The following TPCN1 variants were observed in gnomAD, a reference collection of about 807,000 sequenced individuals.
TPCN1 encodes two pore channel protein 1.
A neutral mutation model predicts 108.8 loss-of-function variants in TPCN1; 52 were observed. The observed-to-expected ratio is 0.48, with a 90% CI of 0.38 to 0.60. TPCN1 has a LOEUF of 0.60. Among genes scored for constraint, TPCN1 ranks in the 20% least tolerant of loss-of-function variants. TPCN1 has a pLI of 0.00. For synonymous variants in TPCN1, 446 were observed against 433.7 expected (o/e 1.03, Z -0.35); for missense variants, 806 against 1,072.8 (o/e 0.75, Z 3.47).
At chr12:113,240,118 G>A (rs1954052185) in intron 2 of TPCN1, among the ~76,000 whole-genome samples, 1 of 152,178 alleles carries the variant, frequency 6.6e-6, no homozygotes, top group Non-Finnish European at 1.5e-5. Flanking sequence ...ACAGCCTCGA[G>A]CCAGTCTGGT....
At position 113,276,857 on chromosome 12, in the gene TPCN1, C is replaced by T; in HGVS notation, c.943-62C>T. On this transcript the variant is annotated intron_variant, in intron 10 of 27. Coordinates refer to ENST00000335509, the MANE Select transcript of TPCN1 (RefSeq NM_017901.6). ...GCCTAGATGATGAACTCATACCCCC[C>T]TGCACTCCCTGCCCTAACCACTCAA... 5.2e-6 allele frequency: 6 copies of T among 1,143,648 alleles called. No individual in the cohort carries two copies. The South Asian group carries it at 7.4e-5, about 14-fold the overall frequency. The allele number at this position is 1,143,648 out of a possible 1,614,324, so 70.8% of individuals were successfully genotyped here. A position where few individuals can be genotyped will look rare whatever the true frequency, so the allele number is the denominator to read the frequency against.
Position 113,232,659 on chromosome 12 carries a change from C to T in TPCN1, c.112+5695C>T, listed in dbSNP as rs964381730. On this transcript the variant is annotated intron_variant, in intron 2 of 27. Transcript: ENST00000335509. This position sits in a 1 kb window ranked among gnomAD's most constrained non-coding sequence, Gnocchi z 5.6. ...AGTGCTTAGCTGCTCTAAGCCTCAG[C>T]CTGCTCATCTGTAGAATGTGACCAT... Among the ~76,000 whole-genome samples, 2 of 152,204 alleles carry T rather than the reference C, an allele frequency of 1.3e-5. No individual in the cohort carries two copies. The highest frequency in any genetic ancestry group is 2.9e-5 in the Non-Finnish European group (2 of 68,028).
At chr12:113,226,036 A>C (rs1235876904) in intron 1 of TPCN1, among the ~76,000 whole-genome samples, 2 of 150,606 alleles carry the variant, frequency 1.3e-5, no homozygotes, top group African/African-American at 4.9e-5. Flanking sequence ...TTGTATGTTA[A>C]ATATTTATTT....
intron 2 of TPCN1, chr12:113,249,800 G>C (rs1954559946): frequency 6.6e-6 from 1 of 152,294 alleles, no homozygotes; most frequent in African/African-American, 2.4e-5. Context: ...AATGGACTGT[G>C]CAGACCATGT....
intron 1 of TPCN1, among the ~76,000 whole-genome samples, chr12:113,222,605 C>T (rs549677005): frequency 6.6e-6 from 1 of 152,182 alleles, no homozygotes; most frequent in Non-Finnish European, 1.5e-5. Context: ...TACAGGCAGG[C>T]AAGCAGTCAT....
rs999213209 is a variant in TPCN1 at position 113,259,178 on chromosome 12, T to C, written c.113-1190T>C. On this transcript the variant is annotated intron_variant, in intron 2 of 27. Coordinates refer to ENST00000335509, the MANE Select transcript of TPCN1 (RefSeq NM_017901.6). ...TTTTAGTAGAGTTGAGGTTTTGTCA[T>C]GTTGGCCATGCTGGTCTTGAACTCC... Among the ~76,000 whole-genome samples, 32 of 152,130 alleles carry C rather than the reference T, an allele frequency of 2.1e-4. 1 individual carries two copies. The highest frequency in any genetic ancestry group is 1.9e-4 in the East Asian group (1 of 5,182).
In TPCN1 at chr12:113,296,081, G is replaced by A; in HGVS notation, c.*5G>A. ...CGCTCCCAGACCGTTACCTAGCCCA[G>A]CGCCCGAAAGCCGTCTCTTCTATGC... On this transcript the variant is annotated 3_prime_UTR_variant, in exon 28 of 28. Transcript: ENST00000335509. 1 of 1,612,320 alleles carries A rather than the reference G, an allele frequency of 6.2e-7. No individual in the cohort carries two copies. The highest frequency in any genetic ancestry group is 8.5e-7 in the Non-Finnish European group (1 of 1,179,042).
rs530731759 is a variant in TPCN1, at chr12:113,279,377, A to G, written c.1297+542A>G. On this transcript the variant is annotated intron_variant, in intron 14 of 27. Transcript: ENST00000335509. ...TGTGTGTGTATATATATATATATAT[A>G]TATATATATATATATTTTTTTTTTT... Among the ~76,000 whole-genome samples the G allele has an allele frequency of 6.3e-3, 185 of 29,422 alleles. 7 individuals carry two copies. The highest frequency in any genetic ancestry group is 0.03 in the African/African-American group (171 of 5,664). The allele number at this position is 29,422 out of a possible 152,430, so 19.3% of individuals were successfully genotyped here. A position where few individuals can be genotyped will look rare whatever the true frequency, so the allele number is the denominator to read the frequency against.
chr12:113,268,707 A>AG lies in TPCN1; in HGVS notation c.529-31dup, dbSNP rs1470139722. 1.2e-6 allele frequency: 2 copies of AG among 1,609,742 alleles called. No homozygotes were observed. The highest frequency in any genetic ancestry group is 1.7e-6 in the Non-Finnish European group (2 of 1,178,726). ...GTATGCAGGATGACGGCTGGGCTGC[A>AG]GGGGCTGACGGTGCTCCATGCCTGC... On this transcript the variant is annotated intron_variant, in intron 5 of 27. Coordinates refer to ENST00000335509, the MANE Select transcript of TPCN1 (RefSeq NM_017901.6). This position sits in a 1 kb window ranked among gnomAD's most constrained non-coding sequence, Gnocchi z 7.3.
In TPCN1 at chr12:113,290,943, C is replaced by T; in HGVS notation, c.1913-9C>T. 6.2e-7 allele frequency: 1 copy of T among 1,613,726 alleles called. No homozygotes were observed. On this transcript the variant is annotated splice_polypyrimidine_tract_variant and intron_variant, in intron 22 of 27. Transcript: ENST00000335509. ...CATCAGGATGCTTCTTTCTCTCTTC[C>T]CTCGGCAGTGACCCTGTTTGAGCTC...
In TPCN1 at chr12:113,273,177, G is replaced by A; in HGVS notation, c.784-55G>A. On this transcript the variant is annotated intron_variant, in intron 8 of 27. Transcript: ENST00000335509. The surrounding 1 kb of genome is among the most constrained non-coding windows in gnomAD (Gnocchi z 4.0). ...AGGTGGCCCATCACAGCCTGTTCCT[G>A]ATGGCCGTGTGCTCTTGGCTGGTCC... 1.3e-6 allele frequency: 2 copies of A among 1,554,680 alleles called. No homozygotes were observed. The highest frequency in any genetic ancestry group is 1.8e-6 in the Non-Finnish European group (2 of 1,126,090).
At chr12:113,227,784 C>A (rs1404747343) in intron 2 of TPCN1, among the ~76,000 whole-genome samples, 1 of 152,096 alleles carries the variant, frequency 6.6e-6, no homozygotes, top group Non-Finnish European at 1.5e-5. Context: ...TGTTTGGGGC[C>A]AAGGAGAGAC....
intron 2 of TPCN1, among the ~76,000 whole-genome samples, chr12:113,237,816 A>G (rs561782001): frequency 2.0e-5 from 3 of 152,242 alleles, no homozygotes; most frequent in Non-Finnish European, 2.9e-5. Context: ...AGCTAGTGAA[A>G]GAAAAGCAGA....
chr12:113,256,290 A>ATT (rs76443507), intron 2 of TPCN1, among the ~76,000 whole-genome samples: 22 of 147,354 alleles, frequency 1.5e-4, no homozygotes, highest in African/African-American at 4.4e-4. Context: ...TACTTTTTAA[A>ATT]TTTTTTTTTT....
Position 113,289,050 on chromosome 12 carries a change from C to A in TPCN1, c.1796+203C>A, listed in dbSNP as rs1956184503. Among the ~76,000 whole-genome samples, 1 of 152,238 alleles carries A rather than the reference C, an allele frequency of 6.6e-6. No individual in the cohort carries two copies. The highest frequency in any genetic ancestry group is 1.5e-5 in the Non-Finnish European group (1 of 68,036). On this transcript the variant is annotated intron_variant, in intron 21 of 27. Transcript: ENST00000335509. The surrounding 1 kb of genome is among the most constrained non-coding windows in gnomAD (Gnocchi z 4.1). ...TCGGGGTCCCTGTTTCTCCATCCCC[C>A]AGGCAGGGTTGGGAGCTGTCAGCTC...
rs749864750 is a variant in TPCN1 at position 113,267,837 on chromosome 12, T to C, written c.415-6T>C. ...CATGACACATCTCCACACCCTCTGG[T>C]CTCAGGTCCACGCCACCCTGGAGCT... is the stretch of plus-strand genomic sequence containing the variant. On this transcript the variant is annotated splice_region_variant and splice_polypyrimidine_tract_variant and intron_variant, in intron 4 of 27. Transcript: ENST00000335509. The C allele has an allele frequency of 1.2e-6, 2 of 1,608,012 alleles. No individual in the cohort carries two copies. Among genetic ancestry groups the C allele is most frequent in the Non-Finnish European group, 1.7e-6 (2 of 1,174,504 alleles).
chr12:113,222,177 C>T (rs1043298492), intron 1 of TPCN1, among the ~76,000 whole-genome samples: 3 of 152,174 alleles, frequency 2.0e-5, no homozygotes, highest in African/African-American at 7.2e-5. Context: ...CCTCTCTGGG[C>T]CTCATTTTTG....
intron 2 of TPCN1, among the ~76,000 whole-genome samples, chr12:113,230,017 C>A (rs1193821549): frequency 1.3e-5 from 2 of 152,180 alleles, no homozygotes; most frequent in African/African-American, 2.4e-5. Context: ...ATTCTTAAAC[C>A]TTTCCACCTT....
At chr12:113,290,643 G>A (rs541754445) in intron 22 of TPCN1, among the ~76,000 whole-genome samples, 2 of 152,298 alleles carry the variant, frequency 1.3e-5, no homozygotes, top group East Asian at 1.9e-4. Context: ...CAGCCAAACC[G>A]CCTCTCCAGA....
Sources: gnomAD v4.1 joint callset for allele counts (sites outside exome capture counted in the v4.1 genomes callset) on GRCh38, gnomAD v4.1.1 for gene constraint, Gnocchi (gnomAD v3.1) non-coding constraint, MANE v1.5 for transcripts, NCBI Gene and HGNC (gene_info 2026-07-23, HGNC 2026-07-21) for gene names.